The following RPS6KA5 variants were observed in gnomAD, a reference collection of about 807,000 sequenced individuals.
The protein encoded by RPS6KA5 is ribosomal protein S6 kinase alpha-5.
In RPS6KA5, 27 loss-of-function variants were observed where a neutral mutation model predicts 85.5. That is an observed-to-expected ratio of 0.32 (90% confidence interval 0.23 to 0.44). The LOEUF (loss-of-function observed/expected upper bound fraction) is 0.44, where lower values mean the gene tolerates loss of function less well. Ranked by LOEUF, RPS6KA5 falls within the 20% of genes least tolerant of loss-of-function variation. The pLI is 1.00. For synonymous variants in RPS6KA5, 334 were observed against 348.2 expected (o/e 0.96, Z 0.46); for missense variants, 811 against 980.9 (o/e 0.83, Z 2.31).
At chr14:90,882,593 C>A (rs1389765893) in intron 14 of RPS6KA5, among the ~76,000 whole-genome samples, 4 of 152,158 alleles carry the variant, frequency 2.6e-5, no homozygotes, top group Non-Finnish European at 5.9e-5. Flanking sequence ...CCCTCAGCTT[C>A]TTACGGATCT....
chr14:90,938,749 C>T (rs1359982745), intron 5 of RPS6KA5, among the ~76,000 whole-genome samples: 1 of 152,204 alleles, frequency 6.6e-6, no homozygotes, highest in Admixed American at 6.5e-5. Flanking sequence ...AGCTGGGAAG[C>T]AGGGCACCAA....
At chr14:91,042,070 C>G (rs2042628330) in intron 1 of RPS6KA5, among the ~76,000 whole-genome samples, 1 of 152,202 alleles carries the variant, frequency 6.6e-6, no homozygotes, top group Non-Finnish European at 1.5e-5. Context: ...AGAACACGTT[C>G]AGGGAAATGA....
intron 6 of RPS6KA5, among the ~76,000 whole-genome samples, chr14:90,921,023 T>C (rs1281826853): frequency 2.6e-5 from 4 of 152,174 alleles, no homozygotes; most frequent in Non-Finnish European, 5.9e-5. Flanking sequence ...TGAGCCACCA[T>C]GCCTGGCCTA....
chr14:90,873,861 A>AGGGCCGGGCGCGGTGGCTCACGCCTGT, intron 15 of RPS6KA5, 66 bp from the exon 16 acceptor site: 1 of 1,396,170 alleles, frequency 7.2e-7, no homozygotes, highest in Non-Finnish European at 1.0e-6. Context: ...ACAAACTCAG[A>AGGGCCGGGCGCGGTGGCTCACGCCTGT]AATAAATCTC....
At chr14:90,948,060 A>G (rs557835349) in intron 3 of RPS6KA5, among the ~76,000 whole-genome samples, 5 of 152,336 alleles carry the variant, frequency 3.3e-5, no homozygotes, top group South Asian at 2.1e-4. Flanking sequence ...ATTTAGCCCA[A>G]TAGTATAAGT....
At chr14:90,981,106 G>A (rs2039772380) in intron 2 of RPS6KA5, among the ~76,000 whole-genome samples, 1 of 152,206 alleles carries the variant, frequency 6.6e-6, no homozygotes, top group Non-Finnish European at 1.5e-5. Flanking sequence ...GGGAGATGGA[G>A]GTTGCAGTGA....
Position 90,968,799 on chromosome 14 carries a change from T to C in RPS6KA5, c.394+9507A>G, listed in dbSNP as rs569167165. On this transcript the variant is annotated intron_variant, in intron 3 of 16. Transcript: ENST00000614987. ...GGTTAGTTATGCAGAAAAAGACAAC[T>C]GATATATTAGCAACTTGTAGATCAT... Among the ~76,000 whole-genome samples, 11 of 152,344 alleles carry C rather than the reference T, an allele frequency of 7.2e-5. No homozygotes were observed. The South Asian group carries it at 2.1e-3, about 29-fold the overall frequency.
chr14:90,864,743 T>C lies in RPS6KA5; in HGVS notation c.*7331A>G, dbSNP rs774133112. ...ACTTGAACAGGCACTTAATTGAGGATAGCCAAATGACTAATAAAAATATAA... is the reference window on the plus strand; with the variant it reads ...ACTTGAACAGGCACTTAATTGAGGACAGCCAAATGACTAATAAAAATATAA... On this transcript the variant is annotated 3_prime_UTR_variant, in exon 17 of 17. Transcript: ENST00000614987. 1 of 152,206 alleles carries C rather than the reference T, an allele frequency of 6.6e-6. No individual in the cohort carries two copies. Among genetic ancestry groups the C allele is most frequent in the Admixed American group, 6.5e-5 (1 of 15,280 alleles). The allele number at this position is 152,206 out of a possible 1,614,324, so 9.4% of individuals were successfully genotyped here.
chr14:91,017,291 G>C (rs899025507), intron 1 of RPS6KA5, among the ~76,000 whole-genome samples: 1 of 152,218 alleles, frequency 6.6e-6, no homozygotes, highest in African/African-American at 2.4e-5. Context: ...TGCTGTAACA[G>C]ACACTTACTC....
At chr14:90,873,377 TATCTC>T (rs2033243065) in intron 16 of RPS6KA5, among the ~76,000 whole-genome samples, 1 of 152,218 alleles carries the variant, frequency 6.6e-6, no homozygotes, top group Admixed American at 6.5e-5. Context: ...AAAGTTCTAT[TATCTC>T]ATCTCATAAG....
rs138547158 is a variant in RPS6KA5 at position 90,877,100 on chromosome 14, A to C, written c.1837-1740T>G. On this transcript the variant is annotated intron_variant, in intron 14 of 16. Coordinates refer to ENST00000614987, the MANE Select transcript of RPS6KA5 (RefSeq NM_004755.4). ...TAAGACCCAGATGCAGCAGGAAGAG[A>C]AACTTGACACCTCTGAGGTTACAAG... is the stretch of plus-strand genomic sequence containing the variant. Among the ~76,000 whole-genome samples, 69 of 152,336 alleles carry C rather than the reference A, an allele frequency of 4.5e-4. No homozygotes were observed. The East Asian group carries it at 8.3e-3, about 18-fold the overall frequency.
chr14:90,945,557 G>A (rs1000899312), intron 4 of RPS6KA5, among the ~76,000 whole-genome samples: 29 of 152,104 alleles, frequency 1.9e-4, no homozygotes, highest in African/African-American at 5.3e-4. Flanking sequence ...CTGGCTTTGC[G>A]TTATATTTAT....
intron 5 of RPS6KA5, among the ~76,000 whole-genome samples, chr14:90,934,132 G>A (rs1203791952): frequency 2.6e-5 from 4 of 152,052 alleles, no homozygotes; most frequent in Non-Finnish European, 2.9e-5. Flanking sequence ...CTGCCTCCCC[G>A]TGTAAAGGAA....
intron 1 of RPS6KA5, among the ~76,000 whole-genome samples, chr14:91,032,287 A>G (rs1328190523): frequency 1.3e-5 from 2 of 152,240 alleles, no homozygotes; most frequent in East Asian, 3.8e-4. Context: ...AACACATTTA[A>G]GCCTGCCAGA....
chr14:91,044,723 T>C (rs2042796587), intron 1 of RPS6KA5, among the ~76,000 whole-genome samples: 1 of 151,776 alleles, frequency 6.6e-6, no homozygotes, highest in African/African-American at 2.4e-5. Context: ...CTATAAAAAT[T>C]AGCCAGGTGT....
intron 3 of RPS6KA5, among the ~76,000 whole-genome samples, chr14:90,953,025 G>C (rs550902269): frequency 6.6e-6 from 1 of 152,136 alleles, no homozygotes; most frequent in African/African-American, 2.4e-5. Flanking sequence ...ACCAGTCAAA[G>C]AATCCTGCGT....
At position 90,993,115 on chromosome 14, in the gene RPS6KA5, C is replaced by A. The variant is rs541742219; in HGVS notation, c.175+7973G>T. 6.6e-5 allele frequency among the ~76,000 whole-genome samples: 10 copies of A among 152,206 alleles called. No individual in the cohort carries two copies. The South Asian group carries it at 8.3e-4, about 13-fold the overall frequency. On this transcript the variant is annotated intron_variant, in intron 2 of 16. Coordinates refer to ENST00000614987, the MANE Select transcript of RPS6KA5 (RefSeq NM_004755.4). ...TTCTTTTAAAATTCTCATAGGGGAC[C>A]TATTGGTAGAAAACTCACTCAGCTT...
At chr14:91,017,366 A>G (rs1380644509) in intron 1 of RPS6KA5, among the ~76,000 whole-genome samples, 1 of 152,184 alleles carries the variant, frequency 6.6e-6, no homozygotes. Context: ...TGGTATTACA[A>G]AAAGCCTTAT....
chr14:90,928,954 A>C (rs1013368310), intron 5 of RPS6KA5, among the ~76,000 whole-genome samples: 4 of 152,058 alleles, frequency 2.6e-5, no homozygotes, highest in Non-Finnish European at 4.4e-5. Flanking sequence ...AATATTAGCA[A>C]ATAAAATCCA....
Sources: gnomAD v4.1 joint callset for allele counts (sites outside exome capture counted in the v4.1 genomes callset) on GRCh38, gnomAD v4.1.1 for gene constraint, MANE v1.5 for transcripts, NCBI Gene and HGNC (gene_info 2026-07-23, HGNC 2026-07-21) for gene names.